Variants in PSD3 observed in about 807,000 individuals in gnomAD.
PSD3 encodes pleckstrin and Sec7 domain containing 3, also known as PH and SEC7 domain-containing protein 3.
PSD3 carries 49 observed loss-of-function variants against 105.5 expected under a neutral mutation model. The ratio of observed to expected loss-of-function variants is 0.46; its 90% confidence interval spans 0.37 to 0.59. The LOEUF (loss-of-function observed/expected upper bound fraction) is 0.59. PSD3 is among the 20% of genes least tolerant of loss of function. PSD3 has a pLI of 0.00. For missense variants in PSD3, 1,561 were observed against 1,263.8 expected (o/e 1.24, Z -3.57); for synonymous variants, 557 against 457.8 (o/e 1.22, Z -2.77).
chr8:19,063,328 T>C (rs949347144), intron 1 of PSD3, among the ~76,000 whole-genome samples: 4 of 152,252 alleles, frequency 2.6e-5, no homozygotes, highest in African/African-American at 9.6e-5. Flanking sequence ...ATTGTTAAAA[T>C]CATCTTTTGA....
At chr8:19,070,984 G>T (rs1829236937) in intron 1 of PSD3, among the ~76,000 whole-genome samples, 1 of 151,974 alleles carries the variant, frequency 6.6e-6, no homozygotes, top group Non-Finnish European at 1.5e-5. Flanking sequence ...AAGAGTTCTT[G>T]AGTGTCAGGA....
chr8:18,723,935 C>T (rs1803168746), intron 9 of PSD3, among the ~76,000 whole-genome samples: 1 of 152,110 alleles, frequency 6.6e-6, no homozygotes, highest in African/African-American at 2.4e-5. Context: ...TTTCCATACA[C>T]AATGGAATAC....
intron 1 of PSD3, among the ~76,000 whole-genome samples, chr8:18,968,764 T>C (rs1402336298): frequency 6.6e-6 from 1 of 151,142 alleles, no homozygotes; most frequent in Non-Finnish European, 1.5e-5. Flanking sequence ...TAATCCCAGC[T>C]ACTCAGGAGG....
chr8:18,676,090 T>TA (rs1800049554), intron 9 of PSD3, among the ~76,000 whole-genome samples: 2 of 152,268 alleles, frequency 1.3e-5, no homozygotes, highest in African/African-American at 2.4e-5. Flanking sequence ...TATATATATA[T>TA]TTTTTTCTCT....
intron 9 of PSD3, among the ~76,000 whole-genome samples, chr8:18,743,774 TAAAAA>T (rs59579746): frequency 7.0e-6 from 1 of 142,076 alleles, no homozygotes; most frequent in African/African-American, 2.6e-5. Context: ...CTGTCTCTAT[TAAAAA>T]AAAAAAAAAA....
chr8:19,017,395 A>G (rs1367708437), upstream of PSD3, among the ~76,000 whole-genome samples: 1 of 152,130 alleles, frequency 6.6e-6, no homozygotes, highest in African/African-American at 2.4e-5. Flanking sequence ...TTTTTAAAAC[A>G]GCTTTATCAA....
At chr8:18,616,882 C>T (rs1805731232) in intron 11 of PSD3, among the ~76,000 whole-genome samples, 2 of 152,040 alleles carry the variant, frequency 1.3e-5, no homozygotes, top group African/African-American at 4.8e-5. Context: ...CTCGGCCTCC[C>T]AAAGTGCTGG....
At chr8:18,816,626 C>A (rs925073742) in intron 4 of PSD3, among the ~76,000 whole-genome samples, 3 of 152,214 alleles carry the variant, frequency 2.0e-5, no homozygotes, top group Non-Finnish European at 4.4e-5. Flanking sequence ...TGACTATGTG[C>A]CAGCACATTT....
At chr8:18,724,068 T>G (rs1019010942) in intron 9 of PSD3, among the ~76,000 whole-genome samples, 15 of 152,128 alleles carry the variant, frequency 9.9e-5, no homozygotes, top group Non-Finnish European at 1.8e-4. Context: ...GGGTTAATGA[T>G]AATAGACATA....
At chr8:18,879,051 A>AACACACACACACACACACACAC (rs59598569) in intron 2 of PSD3, among the ~76,000 whole-genome samples, 27 of 138,600 alleles carry the variant, frequency 1.9e-4, no homozygotes, top group Middle Eastern at 3.7e-3. Context: ...CACACACACA[A>AACACACACACACACACACACAC]ACACACACAC....
intron 3 of PSD3, among the ~76,000 whole-genome samples, chr8:18,869,150 T>C (rs1238843384): frequency 6.7e-6 from 1 of 149,054 alleles, no homozygotes; most frequent in Non-Finnish European, 1.5e-5. Context: ...ATGATGCTCC[T>C]CCCTACCTCT....
chr8:18,732,428 A>T (rs552216694), intron 9 of PSD3, among the ~76,000 whole-genome samples: 1 of 152,244 alleles, frequency 6.6e-6, no homozygotes, highest in Admixed American at 6.5e-5. Context: ...TTTGCTAGAG[A>T]TTCTGCACAA....
At chr8:18,649,466 C>A (rs557934778) in intron 10 of PSD3, among the ~76,000 whole-genome samples, 1 of 152,292 alleles carries the variant, frequency 6.6e-6, no homozygotes, top group Non-Finnish European at 1.5e-5. Context: ...AATGCCTGTA[C>A]CCCCATTGTA....
chr8:18,882,862 C>G (rs1270375037), intron 2 of PSD3, among the ~76,000 whole-genome samples: 1 of 151,784 alleles, frequency 6.6e-6, no homozygotes. Context: ...CACACACACA[C>G]ACGCACGCAC....
At chr8:18,595,281 CAAAAA>C (rs35238330) in intron 12 of PSD3, among the ~76,000 whole-genome samples, 1 of 122,774 alleles carries the variant, frequency 8.1e-6, no homozygotes, top group Non-Finnish European at 1.7e-5. Context: ...AATGTTATTA[CAAAAA>C]AAAAAAAAAA....
At chr8:19,006,018 A>T (rs1264036379) in intron 1 of PSD3, among the ~76,000 whole-genome samples, 1 of 151,864 alleles carries the variant, frequency 6.6e-6, no homozygotes, top group Non-Finnish European at 1.5e-5. Context: ...ACTATAAAGG[A>T]TATATAGGCC....
At chr8:18,696,559 C>G (rs1430949363) in intron 9 of PSD3, among the ~76,000 whole-genome samples, 2 of 152,158 alleles carry the variant, frequency 1.3e-5, no homozygotes, top group East Asian at 3.9e-4. Context: ...AAGTGCATTT[C>G]TTTTAAATTA....
At chr8:19,031,872 A>G (rs1334618143) in intron 1 of PSD3, among the ~76,000 whole-genome samples, 1 of 152,248 alleles carries the variant, frequency 6.6e-6, no homozygotes, top group Admixed American at 6.5e-5. Flanking sequence ...CAGTTTACAG[A>G]TGAGAAAACC....
chr8:18,765,479 C>G lies in PSD3; in HGVS notation c.2142G>C (p.Glu714Asp), dbSNP rs1806905720. 1.2e-6 allele frequency: 2 copies of G among 1,612,966 alleles called. No homozygotes were observed. Among genetic ancestry groups the G allele is most frequent in the East Asian group, 2.2e-5 (1 of 44,866 alleles). ...GCAGATCCTTGGAGAAATCAACACC[C>G]TCATTTACCCCTTGCAGATTTGCAA... ...EFIANLQGVN[E>D]GVDFSKDLLK... The change falls in exon 9 of 16, where the codon GAG becomes GAC. Residue 714 changes from glutamate (E) to aspartate (D), a missense_variant. Transcript: ENST00000327040.
Sources: allele counts gnomAD v4.1 joint callset (sites outside exome capture counted in the v4.1 genomes callset), GRCh38; gene constraint gnomAD v4.1.1; transcripts MANE v1.5; gene names NCBI Gene and HGNC (gene_info 2026-07-23, HGNC 2026-07-21).